Variants in LINGO1 observed in about 807,000 individuals in gnomAD.
The protein encoded by LINGO1 is leucine rich repeat and Ig domain containing 1.
A neutral mutation model predicts 37.3 loss-of-function variants in LINGO1; 11 were observed. That is an observed-to-expected ratio of 0.29 (90% CI 0.19 to 0.49). The LOEUF is 0.49. Among genes scored for constraint, LINGO1 ranks in the 20% least tolerant of loss-of-function variants. LINGO1 has a pLI of 0.99. For missense variants in LINGO1, 585 were observed against 878.2 expected, an observed-to-expected ratio of 0.67 and a Z score of 4.22; for synonymous variants, 387 against 403.0, an observed-to-expected ratio of 0.96 and a Z score of 0.48.
At chr15:77,784,278 G>T (rs547198670) in intron 1 of LINGO1, among the ~76,000 whole-genome samples, 11 of 152,238 alleles carry the variant, frequency 7.2e-5, no homozygotes, top group Non-Finnish European at 1.6e-4. Flanking sequence ...GGAGAGAGCA[G>T]AACTCAGAAG....
At chr15:77,711,194 C>G (rs1214764001) in intron 2 of LINGO1, among the ~76,000 whole-genome samples, 1 of 152,238 alleles carries the variant, frequency 6.6e-6, no homozygotes, top group Admixed American at 6.5e-5. Flanking sequence ...TCTTCTTCCC[C>G]AAGAATTTCA....
chr15:77,779,362 T>C (rs1326201719), intron 1 of LINGO1, among the ~76,000 whole-genome samples: 1 of 152,204 alleles, frequency 6.6e-6, no homozygotes, highest in African/African-American at 2.4e-5. Context: ...GGTTTTGGGA[T>C]GATTCAAGTG....
chr15:77,745,155 C>T (rs994646102), intron 1 of LINGO1, among the ~76,000 whole-genome samples: 2 of 148,914 alleles, frequency 1.3e-5, no homozygotes, highest in African/African-American at 5.0e-5. Flanking sequence ...AGGCTGGGCA[C>T]GGTGGCTCAC....
At chr15:77,668,280 A>G (rs542684698) in intron 3 of LINGO1, among the ~76,000 whole-genome samples, 1 of 152,288 alleles carries the variant, frequency 6.6e-6, no homozygotes, top group South Asian at 2.1e-4. Flanking sequence ...ACCATCCCCT[A>G]TCAAGCACTT....
At chr15:77,718,529 G>A (rs900986103) in intron 2 of LINGO1, among the ~76,000 whole-genome samples, 6 of 150,822 alleles carry the variant, frequency 4.0e-5, no homozygotes, top group Admixed American at 1.3e-4. Flanking sequence ...ACACATCCAC[G>A]CATATTTGCA....
chr15:77,665,125 C>T (rs2075102620), intron 3 of LINGO1, among the ~76,000 whole-genome samples: 1 of 152,154 alleles, frequency 6.6e-6, no homozygotes, highest in African/African-American at 2.4e-5. Flanking sequence ...GTATGAGAGA[C>T]ATTTTCCCCA....
intron 1 of LINGO1, among the ~76,000 whole-genome samples, chr15:77,621,715 T>G (rs1429082377): frequency 6.6e-6 from 1 of 152,232 alleles, no homozygotes; most frequent in Non-Finnish European, 1.5e-5. Flanking sequence ...AACGGGGTGT[T>G]ACACGAGCCA....
At chr15:77,699,678 A>ACC (rs2075750486), upstream of LINGO1, among the ~76,000 whole-genome samples, 2 of 152,098 alleles carry the variant, frequency 1.3e-5, no homozygotes, top group African/African-American at 2.4e-5. Flanking sequence ...ACTAACCATC[A>ACC]TCTGCACACA....
intron 1 of LINGO1, among the ~76,000 whole-genome samples, chr15:77,819,056 C>A (rs1015487047): frequency 6.6e-6 from 1 of 151,534 alleles, no homozygotes; most frequent in African/African-American, 2.4e-5. Context: ...GGCGGGGCCG[C>A]GGCCTGGGCT....
At chr15:77,800,099 AGGAGG>A (rs2141460966) in intron 1 of LINGO1, among the ~76,000 whole-genome samples, 1 of 152,294 alleles carries the variant, frequency 6.6e-6, no homozygotes, top group Non-Finnish European at 1.5e-5. Flanking sequence ...TTCCTGATGG[AGGAGG>A]GACTAGGATT....
intron 3 of LINGO1, among the ~76,000 whole-genome samples, chr15:77,641,243 C>T (rs2074499074): frequency 6.6e-6 from 1 of 152,192 alleles, no homozygotes; most frequent in South Asian, 2.1e-4. Context: ...GGGTGGCTGC[C>T]TGCCTTCTTC....
At chr15:77,703,505 T>C (rs1036824881) in intron 2 of LINGO1, among the ~76,000 whole-genome samples, 2 of 152,068 alleles carry the variant, frequency 1.3e-5, no homozygotes, top group Non-Finnish European at 2.9e-5. Context: ...TCTCTGAACC[T>C]CATCTGCAAC....
At chr15:77,801,605 T>TTTA (rs1555544330) in intron 1 of LINGO1, among the ~76,000 whole-genome samples, 2 of 151,882 alleles carry the variant, frequency 1.3e-5, no homozygotes, top group Non-Finnish European at 2.9e-5. Context: ...TTTTTTTTTT[T>TTTA]AATCCTTCTC....
intron 1 of LINGO1, among the ~76,000 whole-genome samples, chr15:77,625,259 A>G (rs1305436049): frequency 3.9e-5 from 6 of 152,220 alleles, no homozygotes; most frequent in African/African-American, 1.4e-4. Flanking sequence ...AGAGCTAAAT[A>G]GAATGACGAT....
At chr15:77,667,582 C>T (rs978925564) in intron 3 of LINGO1, 1 of 152,218 alleles carries the variant, frequency 6.6e-6, no homozygotes, top group Non-Finnish European at 1.5e-5. Context: ...CTACCTAAGG[C>T]CACCCCCTCC....
chr15:77,615,629 C>T lies in LINGO1; in HGVS notation c.278G>A (p.Ser93Asn). ...CTCCAGCTCCTCCAGGTGCGGGAAGCTGGCGAACTCGTCCTGGTTGAGCGT... is the reference window on the plus strand; with the variant it reads ...CTCCAGCTCCTCCAGGTGCGGGAAGTTGGCGAACTCGTCCTGGTTGAGCGT... ...IKTLNQDEFASFPHLEELELN... is the reference protein window; with the variant it reads ...IKTLNQDEFANFPHLEELELN... Residue 93 changes from serine to asparagine, a missense_variant, in exon 2 of 2, where the codon AGC (serine) becomes AAC (asparagine). Ser to Asn is a conservative substitution (Grantham distance 46, BLOSUM62 1). Coordinates refer to ENST00000355300, the MANE Select transcript of LINGO1 (RefSeq NM_032808.7). 6.2e-7 allele frequency: 1 copy of T among 1,612,070 alleles called. No homozygotes were observed.
At chr15:77,754,776 C>A (rs28439897) in intron 1 of LINGO1, among the ~76,000 whole-genome samples, 4,961 of 152,330 alleles carry the variant, frequency 0.033, 258 homozygotes, top group African/African-American at 0.11. Flanking sequence ...CTTGGCCTGG[C>A]CTATCAGAGG....
chr15:77,647,122 T>G (rs1333236383), intron 3 of LINGO1, among the ~76,000 whole-genome samples: 2 of 151,662 alleles, frequency 1.3e-5, no homozygotes, highest in Non-Finnish European at 2.9e-5. Flanking sequence ...TTGGAGCTCT[T>G]TGGTCCACTT....
rs560194053 is a variant in LINGO1, at chr15:77,640,057, G to T, written c.-12-24157C>A. Among the ~76,000 whole-genome samples the T allele has an allele frequency of 2.0e-5, 3 of 152,328 alleles. No individual in the cohort carries two copies. In the East Asian group the frequency reaches 5.8e-4, roughly 29 times the overall value. ...AACTGAGGCACACAGAATCCAGGGAGATATTCCTGGGCTTTCCAGCCTAGC... is the reference window on the plus strand; with the variant it reads ...AACTGAGGCACACAGAATCCAGGGATATATTCCTGGGCTTTCCAGCCTAGC... On this transcript the variant is annotated intron_variant, in intron 3 of 3. Coordinates refer to the LINGO1 transcript ENST00000559893.
Sources: allele counts gnomAD v4.1 joint callset (sites outside exome capture counted in the v4.1 genomes callset), GRCh38; gene constraint gnomAD v4.1.1; transcripts MANE v1.5; gene names NCBI Gene and HGNC (gene_info 2026-07-23, HGNC 2026-07-21).